Variants in SIPA1L1 observed in about 807,000 individuals in gnomAD.
The protein encoded by SIPA1L1 is signal induced proliferation associated 1 like 1.
Under a neutral mutation model 162.7 loss-of-function variants are expected in SIPA1L1, and 26 were observed. That is an observed-to-expected ratio of 0.16 (90% CI 0.12 to 0.22). SIPA1L1 has a LOEUF of 0.22. Among genes scored for constraint, SIPA1L1 ranks in the 10% least tolerant of loss-of-function variants. The probability of loss-of-function intolerance (pLI) is 1.00; values close to 1 mark genes in which losing one functional copy is unlikely to be tolerated. For missense variants in SIPA1L1, 1,874 were observed against 2,241.0 expected, an observed-to-expected ratio of 0.84 and a Z score of 3.31; for synonymous variants, 829 against 837.4, an observed-to-expected ratio of 0.99 and a Z score of 0.17.
At chr14:71,453,066 G>T (rs1368540198) in intron 2 of SIPA1L1, among the ~76,000 whole-genome samples, 1 of 152,042 alleles carries the variant, frequency 6.6e-6, no homozygotes, top group East Asian at 1.9e-4. Context: ...GTGAATTTTT[G>T]AAATTGTGAA....
intron 2 of SIPA1L1, among the ~76,000 whole-genome samples, chr14:71,375,533 C>G (rs1412976695): frequency 6.6e-6 from 1 of 152,086 alleles, no homozygotes; most frequent in Non-Finnish European, 1.5e-5. Flanking sequence ...TCATGTTCCA[C>G]AAATAAGAGA....
At chr14:71,497,720 A>G (rs1350419625) in intron 2 of SIPA1L1, 1 of 152,228 alleles carries the variant, frequency 6.6e-6, no homozygotes, top group African/African-American at 2.4e-5. Context: ...CATTGTGTGG[A>G]TATACCAATT....
At chr14:71,654,985 A>G (rs969895608) in intron 8 of SIPA1L1, among the ~76,000 whole-genome samples, 2 of 152,156 alleles carry the variant, frequency 1.3e-5, no homozygotes, top group African/African-American at 4.8e-5. Flanking sequence ...GGACATGTCC[A>G]GGTTTGTTAA....
intron 2 of SIPA1L1, among the ~76,000 whole-genome samples, chr14:71,472,442 G>T (rs1405889591): frequency 6.6e-6 from 1 of 151,916 alleles, no homozygotes; most frequent in African/African-American, 2.4e-5. Context: ...AAAAGATTGG[G>T]GGGAAATAAT....
At chr14:71,438,140 TAAACA>T (rs113520416) in intron 2 of SIPA1L1, among the ~76,000 whole-genome samples, 3,109 of 152,224 alleles carry the variant, frequency 0.02, 40 homozygotes, top group African/African-American at 0.029. Flanking sequence ...ACTTTTTAGT[TAAACA>T]AAACAAAACA....
intron 4 of SIPA1L1, among the ~76,000 whole-genome samples, chr14:71,536,705 C>T (rs2053936093): frequency 6.6e-6 from 1 of 152,356 alleles, no homozygotes; most frequent in Admixed American, 6.5e-5. Context: ...CTGGATTTCA[C>T]TTCTGCAGTT....
chr14:71,366,559 G>A (rs1259496423), intron 2 of SIPA1L1, among the ~76,000 whole-genome samples: 2 of 151,934 alleles, frequency 1.3e-5, no homozygotes, highest in East Asian at 1.9e-4. Context: ...TCAGCCTCTC[G>A]AGTAGCTGGG....
chr14:71,594,190 T>TA (rs1161771137), intron 5 of SIPA1L1, among the ~76,000 whole-genome samples: 1 of 152,224 alleles, frequency 6.6e-6, no homozygotes, highest in Non-Finnish European at 1.5e-5. Context: ...ATCTTTAACA[T>TA]AGTTTCTTTA....
intron 5 of SIPA1L1, among the ~76,000 whole-genome samples, chr14:71,603,195 A>G (rs1352406338): frequency 6.6e-6 from 1 of 151,954 alleles, no homozygotes; most frequent in Admixed American, 6.5e-5. Flanking sequence ...TCCATGGAAT[A>G]CCTTTTTTAT....
chr14:71,345,342 T>G (rs951457895), intron 2 of SIPA1L1, among the ~76,000 whole-genome samples: 90 of 152,298 alleles, frequency 5.9e-4, no homozygotes, highest in Non-Finnish European at 1.1e-3. Context: ...CTTTCCTATA[T>G]GCAGTGCACT....
rs1219573133 is a variant in SIPA1L1 at position 71,589,223 on chromosome 14, C to T, written c.1351C>T (p.Leu451Phe). The T allele has an allele frequency of 6.2e-7, 1 of 1,614,064 alleles. No individual in the cohort carries two copies. The highest frequency in any genetic ancestry group is 1.7e-5 in the Admixed American group (1 of 60,014). ...GCESASFEST[L>F]SSHCTNAGVA... ...TGAAAGTGCCTCCTTTGAGTCTACC[C>T]TTAGTTCCCATTGCACAAATGCAGG... Residue 451 changes from leucine to phenylalanine, a missense_variant, in exon 5 of 24, where the codon CTT becomes TTT. Around this residue, in one of 5 missense-constraint regions of SIPA1L1, gnomAD observed 685 missense variants for 828.0 expected, o/e 0.83. Coordinates refer to ENST00000381232, the MANE Select transcript of SIPA1L1 (RefSeq NM_001386936.1).
At chr14:71,382,412 G>T (rs1415707249) in intron 2 of SIPA1L1, among the ~76,000 whole-genome samples, 1 of 152,174 alleles carries the variant, frequency 6.6e-6, no homozygotes, top group Non-Finnish European at 1.5e-5. Flanking sequence ...TGGAAACTTT[G>T]TCCCACCTTT....
At chr14:71,453,287 A>G (rs2141613083) in intron 2 of SIPA1L1, among the ~76,000 whole-genome samples, 1 of 152,226 alleles carries the variant, frequency 6.6e-6, no homozygotes, top group Non-Finnish European at 1.5e-5. Flanking sequence ...TTTTGGAGAA[A>G]GGACCTTGCT....
intron 12 of SIPA1L1, among the ~76,000 whole-genome samples, chr14:71,684,959 C>A (rs2046158075): frequency 6.6e-6 from 1 of 152,088 alleles, no homozygotes. Flanking sequence ...CCTTTCAGAA[C>A]CCAGTTGTGG....
chr14:71,411,366 C>T (rs2042392222), intron 2 of SIPA1L1, among the ~76,000 whole-genome samples: 3 of 152,096 alleles, frequency 2.0e-5, no homozygotes, highest in Admixed American at 1.3e-4. Context: ...CTAGTAATTT[C>T]TGGGCTTTCC....
chr14:71,329,975 G>A (rs796870389), intron 2 of SIPA1L1, among the ~76,000 whole-genome samples: 2 of 152,134 alleles, frequency 1.3e-5, no homozygotes, highest in African/African-American at 4.8e-5. Flanking sequence ...GGGATGAGAT[G>A]GCCAGGCCAG....
chr14:71,682,742 CAAAGAT>C (rs1247828779), intron 12 of SIPA1L1, among the ~76,000 whole-genome samples: 1 of 152,078 alleles, frequency 6.6e-6, no homozygotes, highest in Non-Finnish European at 1.5e-5. Context: ...TGAAGAAACC[CAAAGAT>C]AAAGTAACTT....
chr14:71,454,583 G>T (rs957811814), intron 2 of SIPA1L1, among the ~76,000 whole-genome samples: 8 of 152,126 alleles, frequency 5.3e-5, no homozygotes, highest in Non-Finnish European at 5.9e-5. Context: ...TCTGCTTTCT[G>T]GAGAAGGTGG....
chr14:71,709,712 A>G (rs760959894), intron 17 of SIPA1L1, 48 bp downstream of exon 17: 18 of 1,528,288 alleles, frequency 1.2e-5, no homozygotes, highest in Non-Finnish European at 1.5e-5. Context: ...ACCTAAGCCC[A>G]GTTCCCTGGC....
Sources: gnomAD v4.1 joint callset for allele counts (sites outside exome capture counted in the v4.1 genomes callset) on GRCh38, gnomAD v4.1.1 for gene constraint, gnomAD v4.1.1 regional missense constraint, MANE v1.5 for transcripts, NCBI Gene and HGNC (gene_info 2026-07-23, HGNC 2026-07-21) for gene names.